Variants in ZIM3 observed in about 807,000 individuals in gnomAD.
ZIM3 encodes zinc finger imprinted 3, also known as zinc finger protein 657.
Under a neutral mutation model 12.9 loss-of-function variants are expected in ZIM3, and 11 were observed. The observed-to-expected ratio is 0.85, with a 90% CI of 0.54 to 1.41. The LOEUF (loss-of-function observed/expected upper bound fraction) is 1.41. ZIM3 is among the 40% of genes most tolerant of loss of function. The pLI is 0.00. For missense variants in ZIM3, 604 were observed against 557.2 expected, an observed-to-expected ratio of 1.08 and a Z score of -0.85; for synonymous variants, 205 against 198.5, an observed-to-expected ratio of 1.03 and a Z score of -0.28.
In ZIM3 at chr19:57,138,584, G is replaced by A. The variant is rs763683082; in HGVS notation, c.30C>T (p.Phe10=). 4.3e-5 allele frequency: 69 copies of A among 1,614,120 alleles called. No individual in the cohort carries two copies. Among genetic ancestry groups the A allele is most frequent in the South Asian group, 2.4e-4 (22 of 91,086 alleles). The change falls in exon 3 of 5, where the codon TTC becomes TTT. Residue 10 remains phenylalanine (F), a synonymous_variant. Coordinates refer to ENST00000269834, the MANE Select transcript of ZIM3 (RefSeq NM_052882.1). MNNSQGRVT[F]EDVTVNFTQG... Reference sequence around the variant, plus strand: ...GGGTGAAGTTCACAGTGACATCCTCGAAGGTCACTCTTCCCTGTAACAACA... The same window carrying A: ...GGGTGAAGTTCACAGTGACATCCTCAAAGGTCACTCTTCCCTGTAACAACA...
intron 2 of ZIM3, among the ~76,000 whole-genome samples, chr19:57,140,716 C>T (rs1237712371): frequency 6.6e-6 from 1 of 152,112 alleles, no homozygotes; most frequent in Non-Finnish European, 1.5e-5. Context: ...AAGTGGTCTT[C>T]CTGCCTTCGC....
chr19:57,142,576 C>T (rs1039217380), intron 2 of ZIM3, 53 bp downstream of exon 2: 6 of 1,594,242 alleles, frequency 3.8e-6, no homozygotes, highest in Non-Finnish European at 4.3e-6. Context: ...GCAAGAGGAA[C>T]GTGGGTCATA....
chr19:57,139,621 G>C (rs2122666733), intron 2 of ZIM3, among the ~76,000 whole-genome samples: 1 of 152,144 alleles, frequency 6.6e-6, no homozygotes, highest in South Asian at 2.1e-4. Context: ...AGCTACTCAG[G>C]AGGCTGAGGC....
chr19:57,135,555 G>A lies in ZIM3; in HGVS notation c.782C>T (p.Ser261Phe). Residue 261 changes from serine to phenylalanine, a missense_variant, in exon 5 of 5, where the codon TCC becomes TTC. Transcript: ENST00000269834. ...YQCKTCGKAF[S>F]WKSSCINHEK... ...ATGATTAATGCAGGATGATTTCCAGGAAAAGGCTTTTCCACATGTCTTACA... is the reference window on the plus strand; with the variant it reads ...ATGATTAATGCAGGATGATTTCCAGAAAAAGGCTTTTCCACATGTCTTACA... 1 of 1,613,814 alleles carries A rather than the reference G, an allele frequency of 6.2e-7. No individual in the cohort carries two copies. Among genetic ancestry groups the A allele is most frequent in the Non-Finnish European group, 8.5e-7 (1 of 1,179,916 alleles).
chr19:57,134,709 G>C lies in ZIM3; in HGVS notation c.*209C>G. 1.8e-6 allele frequency: 1 copy of C among 540,738 alleles called. No individual in the cohort carries two copies. Among genetic ancestry groups the C allele is most frequent in the Non-Finnish European group, 3.2e-6 (1 of 310,152 alleles). 33.5% of individuals were successfully genotyped at this position (540,738 alleles called of 1,614,324 possible). On this transcript the variant is annotated 3_prime_UTR_variant, in exon 5 of 5. Coordinates refer to ENST00000269834, the MANE Select transcript of ZIM3 (RefSeq NM_052882.1). ...ACATCTTCAGTGTTTAAGAGTTCCT[G>C]GTACACAAAAGGCATCTAATAAATA...
intron 3 of ZIM3, among the ~76,000 whole-genome samples, 188 bp downstream of exon 3, chr19:57,138,284 C>G (rs1012434382): frequency 1.3e-5 from 2 of 152,188 alleles, no homozygotes; most frequent in African/African-American, 4.8e-5. Context: ...ACTTGCCGAC[C>G]CTGAGAATGG....
chr19:57,142,144 T>TC (rs199706323), intron 2 of ZIM3, among the ~76,000 whole-genome samples: 2,645 of 53,912 alleles, frequency 0.049, 72 homozygotes, highest in African/African-American at 0.091. Context: ...TAACCAAGCT[T>TC]TTTTTTTTTT....
rs565445862 is a variant in ZIM3, at chr19:57,137,176, C to T, written c.143-205G>A. On this transcript the variant is annotated intron_variant, in intron 3 of 4. Coordinates refer to ENST00000269834, the MANE Select transcript of ZIM3 (RefSeq NM_052882.1). Reference sequence around the variant, plus strand: ...GTTTGAGGGAATGCACCTGAGCAGTCGAACTAAACAAAGAATGCTTTTTCT... The same window carrying T: ...GTTTGAGGGAATGCACCTGAGCAGTTGAACTAAACAAAGAATGCTTTTTCT... 1.4e-3 allele frequency among the ~76,000 whole-genome samples: 212 copies of T among 152,154 alleles called. 1 individual carries two copies. Among genetic ancestry groups the T allele is most frequent in the African/African-American group, 5.0e-3 (207 of 41,534 alleles).
Position 57,136,606 on chromosome 19 carries a change from G to T in ZIM3, c.241+267C>A, listed in dbSNP as rs550547925. ...TCGAACTCGGGAGGCGGAGGTTGCA[G>T]TGAGCCCAGATCGCGCCACTGCACT... On this transcript the variant is annotated intron_variant, in intron 4 of 4. Coordinates refer to ENST00000269834, the MANE Select transcript of ZIM3 (RefSeq NM_052882.1). Among the ~76,000 whole-genome samples the T allele has an allele frequency of 6.0e-5, 9 of 150,814 alleles. No individual in the cohort carries two copies. In the South Asian group the frequency reaches 1.9e-3, roughly 32 times the overall value.
intron 2 of ZIM3, among the ~76,000 whole-genome samples, chr19:57,142,142 CT>C (rs35172118): frequency 0.37 from 41,362 of 112,102 alleles, 6,434 homozygotes; most frequent in South Asian, 0.49. Context: ...CGTAACCAAG[CT>C]TTTTTTTTTT....
rs1419311689 is a variant in ZIM3, at chr19:57,142,530, G to A, written c.15+99C>T. The stretch of plus-strand genomic sequence containing the variant: ...TTAATAGAAGTATGGAAGGAAGGAG[G>A]AAAATATGCCAAAAGGTTAGCACAG... On this transcript the variant is annotated intron_variant, in intron 2 of 4. Transcript: ENST00000269834. The A allele has an allele frequency of 6.0e-6, 8 of 1,324,878 alleles. No individual in the cohort carries two copies. The African/African-American group carries it at 1.0e-4, about 17-fold the overall frequency. 82.1% of individuals were successfully genotyped at this position (1,324,878 alleles called of 1,614,324 possible). A position where few individuals can be genotyped will look rare whatever the true frequency, so the allele number is the denominator to read the frequency against.
In ZIM3 at chr19:57,136,423, G is replaced by A. The variant is rs182388399; in HGVS notation, c.242-328C>T. On this transcript the variant is annotated intron_variant, in intron 4 of 4. Coordinates refer to ENST00000269834, the MANE Select transcript of ZIM3 (RefSeq NM_052882.1). ...CACACCTGTAATCCTAGCACTTTGG[G>A]AGGCTGAGGCGGGTGGATTGCCTGA... Among the ~76,000 whole-genome samples the A allele has an allele frequency of 5.1e-3, 782 of 152,208 alleles. 4 individuals carry two copies. The highest frequency in any genetic ancestry group is 8.5e-3 in the Non-Finnish European group (577 of 67,994).
Position 57,135,699 on chromosome 19 carries a change from T to A in ZIM3, c.638A>T (p.His213Leu), listed in dbSNP as rs768617497. Residue 213 changes from histidine to leucine, a missense_variant, in exon 5 of 5, where the codon CAT becomes CTT. Coordinates refer to ENST00000269834, the MANE Select transcript of ZIM3 (RefSeq NM_052882.1). ...CCTTTCCTCTGCGTGAGTTTTCTGA[T>A]GTTTATCAAGCTTCCACTTCTCCCC... ...AFGEKWKLDK[H>L]QKTHAEERPY... The A allele has an allele frequency of 1.2e-6, 2 of 1,613,880 alleles. No individual in the cohort carries two copies.
chr19:57,137,671 C>G (rs1246547284), intron 3 of ZIM3, among the ~76,000 whole-genome samples: 1 of 151,474 alleles, frequency 6.6e-6, no homozygotes, highest in Non-Finnish European at 1.5e-5. Flanking sequence ...CGAGATCACA[C>G]CACTGCACTC....
At position 57,136,101 on chromosome 19, in the gene ZIM3, A is replaced by G. The variant is rs773311720; in HGVS notation, c.242-6T>C. On this transcript the variant is annotated splice_region_variant and splice_polypyrimidine_tract_variant and intron_variant, in intron 4 of 4. Coordinates refer to ENST00000269834, the MANE Select transcript of ZIM3 (RefSeq NM_052882.1). ...TCCAATGTCCCCATTTTTTTCTAAA[A>G]TGGAATACAAAAAAATGTCCTGTGT... is the stretch of plus-strand genomic sequence containing the variant. The G allele has an allele frequency of 1.4e-5, 23 of 1,596,598 alleles. No individual in the cohort carries two copies. The highest frequency in any genetic ancestry group is 1.8e-5 in the Admixed American group (1 of 55,600).
chr19:57,135,234 C>G lies in ZIM3; in HGVS notation c.1103G>C (p.Cys368Ser). 6.2e-7 allele frequency: 1 copy of G among 1,613,974 alleles called. No homozygotes were observed. The highest frequency in any genetic ancestry group is 8.5e-7 in the Non-Finnish European group (1 of 1,179,982). ...TTTCTTCTGGATAAAGGTATTTCCA[C>G]ATAGATCACACTCATAAGCTCTCTT... The part of the protein sequence containing the change: ...TGKRAYECDL[C>S]GNTFIQKKNL... Residue 368 changes from cysteine to serine, a missense_variant, in exon 5 of 5, where the codon TGT becomes TCT. Transcript: ENST00000269834.
intron 3 of ZIM3, among the ~76,000 whole-genome samples, chr19:57,138,054 A>AAGGAAGGAAG (rs2086897191): frequency 1.7e-4 from 8 of 45,738 alleles, no homozygotes; most frequent in African/African-American, 4.5e-4. Flanking sequence ...AAGGAAGGAA[A>AAGGAAGGAAG]GAAGGAAGGA....
At chr19:57,139,200 C>T (rs12459627) in intron 2 of ZIM3, among the ~76,000 whole-genome samples, 62,030 of 151,354 alleles carry the variant, frequency 0.41, 14,379 homozygotes, top group South Asian at 0.56. Context: ...TGGTGGCAGG[C>T]GCCTGTAATC....
chr19:57,142,810 C>T, intron 1 of ZIM3, 125 bp from the exon 2 acceptor site: 1 of 671,264 alleles, frequency 1.5e-6, no homozygotes, highest in Middle Eastern at 2.6e-4. Flanking sequence ...AAAGCCCTGA[C>T]TTGTACCTCA....
Sources: gnomAD v4.1 joint callset for allele counts (sites outside exome capture counted in the v4.1 genomes callset) on GRCh38, gnomAD v4.1.1 for gene constraint, MANE v1.5 for transcripts, NCBI Gene and HGNC (gene_info 2026-07-23, HGNC 2026-07-21) for gene names.